The following PLXNB3 variants were observed in gnomAD, a reference collection of about 807,000 sequenced individuals.
PLXNB3 encodes the protein plexin-B3.
PLXNB3 carries 80 observed loss-of-function variants against 125.7 expected under a neutral mutation model. That is an observed-to-expected ratio of 0.64 (90% CI 0.53 to 0.77). The LOEUF (loss-of-function observed/expected upper bound fraction) is 0.77, where lower values mean the gene tolerates loss of function less well. PLXNB3 is among the 30% of genes least tolerant of loss of function. PLXNB3 has a pLI of 0.00. For synonymous variants in PLXNB3, 954 were observed against 783.3 expected (o/e 1.22, Z -3.64); for missense variants, 1,836 against 1,729.3 (o/e 1.06, Z -1.09).
intron 7 of PLXNB3, 46 bp downstream of exon 7, chrX:153,769,985 G>GC (rs2091908333): frequency 8.4e-7 from 1 of 1,192,368 alleles, no homozygotes; most frequent in African/African-American, 1.7e-5. Context: ...CATGACCACT[G>GC]CCTGGAGCAT....
rs781933765 is a variant in PLXNB3, at chrX:153,767,635, G to A, written c.808G>A (p.Asp270Asn). 1.7e-6 allele frequency: 2 copies of A among 1,197,803 alleles called. No homozygotes were observed. Among genetic ancestry groups the A allele is most frequent in the Non-Finnish European group, 1.1e-6 (1 of 888,780 alleles). The change falls in exon 3 of 36, where the codon GAC (aspartate) becomes AAC (asparagine). Residue 270 changes from aspartate to asparagine, a missense_variant. By Grantham distance (23) the Asp-to-Asn change is conservative. Coordinates refer to ENST00000361971, the MANE Select transcript of PLXNB3 (RefSeq NM_005393.3). ...RSYVARVCLG[D>N]TNLYSYVEVP... ...CTACGTGGCCCGCGTCTGCCTGGGG[G>A]ACACCAACCTGTACTCCTACGTGGA...
At position 153,771,082 on chromosome X, in the gene PLXNB3, G is replaced by C. The variant is rs782045470; in HGVS notation, c.2253+1G>C. 1 of 1,191,884 alleles carries C rather than the reference G, an allele frequency of 8.4e-7. No homozygotes were observed. The highest frequency in any genetic ancestry group is 1.1e-6 in the Non-Finnish European group (1 of 879,610). On this transcript the variant is annotated splice_donor_variant, in intron 12 of 35. Transcript: ENST00000361971. LOFTEE classifies it high-confidence loss of function. ...CCTCATCCACTGCCAGGCCCACCAG[G>C]TGAGTGGCTGCCTTCCAAACCCTCT...
chrX:153,766,960 C>A lies in PLXNB3; in HGVS notation c.133C>A (p.His45Asn). ...ACCGCCACTGCCCTTGACAGGGGCC[C>A]ATCGCTTCTCCGCACCTAATACCAC... is the stretch of plus-strand genomic sequence containing the variant. ...SPPPLPLTGA[H>N]RFSAPNTTLN... Residue 45 changes from histidine (H) to asparagine (N), a missense_variant, in exon 3 of 36, where the codon CAT (histidine) becomes AAT (asparagine). By Grantham distance (68) the His-to-Asn change is moderately conservative. Coordinates refer to ENST00000361971, the MANE Select transcript of PLXNB3 (RefSeq NM_005393.3). 1 of 1,210,696 alleles carries A rather than the reference C, an allele frequency of 8.3e-7. No homozygotes were observed. The highest frequency in any genetic ancestry group is 1.1e-6 in the Non-Finnish European group (1 of 895,408).
In PLXNB3 at chrX:153,778,735, C is replaced by T. The variant is rs890942387; in HGVS notation, c.5625+61C>T. ...GGAGCGGGAGGCCCGTGGACCCTCC[C>T]GGGGGAGCAGGGGTGCCAGCCCATG... On this transcript the variant is annotated intron_variant, in intron 35 of 35. Coordinates refer to ENST00000361971, the MANE Select transcript of PLXNB3 (RefSeq NM_005393.3). 3.5e-6 allele frequency: 4 copies of T among 1,137,663 alleles called. No individual in the cohort carries two copies. The South Asian group carries it at 5.9e-5, about 17-fold the overall frequency. 93.8% of individuals were successfully genotyped at this position (1,137,663 alleles called of 1,213,427 possible).
Position 153,775,985 on chromosome X carries a change from C to T in PLXNB3, c.4500C>T (p.Thr1500=). Reference sequence around the variant, plus strand: ...CCGTGACAGGCAAGGCCAAACGGACCCTGAATGATAGCCGCTTGCTGCGGG... The same window carrying T: ...CCGTGACAGGCAAGGCCAAACGGACTCTGAATGATAGCCGCTTGCTGCGGG... ...VDAVTGKAKR[T]LNDSRLLRED... is the part of the protein sequence containing the mutation. Residue 1500 remains threonine, a synonymous_variant, in exon 27 of 36, where the codon ACC becomes ACT. Coordinates refer to ENST00000361971, the MANE Select transcript of PLXNB3 (RefSeq NM_005393.3). The T allele has an allele frequency of 8.3e-7, 1 of 1,210,854 alleles. No homozygotes were observed. Among genetic ancestry groups the T allele is most frequent in the Non-Finnish European group, 1.1e-6 (1 of 895,278 alleles).
chrX:153,765,471 G>A lies in PLXNB3; in HGVS notation c.-65G>A. ...CCTCGACTGTCTCCCTCCCACTCAG[G>A]ACAATGCCCCCCCGCAGCCATCTCA... On this transcript the variant is annotated splice_region_variant and 5_prime_UTR_variant, in exon 2 of 36. Transcript: ENST00000361971. 8.7e-7 allele frequency: 1 copy of A among 1,147,270 alleles called. No homozygotes were observed. The highest frequency in any genetic ancestry group is 1.2e-6 in the Non-Finnish European group (1 of 854,280). The allele number at this position is 1,147,270 out of a possible 1,213,427, so 94.5% of individuals were successfully genotyped here. A position where few individuals can be genotyped will look rare whatever the true frequency, so the allele number is the denominator to read the frequency against.
intron 30 of PLXNB3, 54 bp from the exon 31 acceptor site, chrX:153,777,474 G>T: frequency 2.5e-6 from 3 of 1,190,204 alleles, no homozygotes; most frequent in Admixed American, 2.2e-5. Context: ...AGCCTCAGCC[G>T]TGGATGGCCC....
rs113867364 is a variant in PLXNB3, at chrX:153,779,079, C to T, written c.*40C>T. The T allele has an allele frequency of 3.7e-4, 368 of 986,831 alleles. No homozygotes were observed. In the African/African-American group the frequency reaches 6.1e-3, roughly 16 times the overall value. The allele number at this position is 986,831 out of a possible 1,213,427, so 81.3% of individuals were successfully genotyped here. On this transcript the variant is annotated 3_prime_UTR_variant, in exon 36 of 36. Transcript: ENST00000361971. ...AGCAGCAAGCCGGATCCACCAACAC[C>T]GCAGCGCCTTATGACCCCGGAACCG...
intron 6 of PLXNB3, 59 bp from the exon 7 acceptor site, chrX:153,769,748 G>A (rs1294598698): frequency 7.1e-6 from 8 of 1,132,360 alleles, no homozygotes; most frequent in Non-Finnish European, 9.4e-6. Flanking sequence ...GGCCCCTGTT[G>A]CCGGTCATCC....
chrX:153,765,968 CTCCCTGCCCCT>C (rs1557059016), intron 2 of PLXNB3: 1 of 752,703 alleles, frequency 1.3e-6, no homozygotes, highest in African/African-American at 2.3e-5. Flanking sequence ...TCTGGCACCC[CTCCCTGCCCCT>C]TCCCTGACCC....
intron 1 of PLXNB3, 36 bp downstream of exon 1, chrX:153,764,340 T>C (rs1269422936): frequency 8.9e-6 from 1 of 112,605 alleles, no homozygotes; most frequent in East Asian, 2.8e-4. Context: ...GGCTTGGGCT[T>C]GGGGTGCAGG....
intron 2 of PLXNB3, chrX:153,766,353 T>TG (rs2091857459): frequency 8.8e-7 from 1 of 1,131,775 alleles, no homozygotes; most frequent in Admixed American, 2.9e-5. Context: ...TCTGGTCCCT[T>TG]GGGGCACACG....
chrX:153,778,694 G>A lies in PLXNB3; in HGVS notation c.5625+20G>A. The A allele has an allele frequency of 3.4e-6, 4 of 1,180,895 alleles. No individual in the cohort carries two copies. Among genetic ancestry groups the A allele is most frequent in the South Asian group, 3.7e-5 (2 of 54,466 alleles). ...GATCAGGTGAGGCCCAGGGCACTCC[G>A]GAGGGGAGGCACAGTGGAGCGGGAG... is the stretch of plus-strand genomic sequence containing the variant. On this transcript the variant is annotated intron_variant, in intron 35 of 35. Transcript: ENST00000361971.
In PLXNB3 at chrX:153,770,789, G is replaced by A; in HGVS notation, c.2042G>A (p.Cys681Tyr). ...ATCCAGGTGCGTGGCCCAGGGGCTT[G>A]CCCACAGGTCGAAGGCCTGGCAGGT... is the stretch of plus-strand genomic sequence containing the variant. Reference protein sequence around the residue: ...VDIQVRGPGACPQVEGLAGPH... With the variant: ...VDIQVRGPGAYPQVEGLAGPH... The change falls in exon 11 of 36, where the codon TGC (cysteine) becomes TAC (tyrosine). Residue 681 changes from cysteine to tyrosine, a missense_variant. Physicochemically the swap from Cys to Tyr is radical, Grantham distance 194. Coordinates refer to ENST00000361971, the MANE Select transcript of PLXNB3 (RefSeq NM_005393.3). 1 of 1,207,569 alleles carries A rather than the reference G, an allele frequency of 8.3e-7. No individual in the cohort carries two copies. Among genetic ancestry groups the A allele is most frequent in the Non-Finnish European group, 1.1e-6 (1 of 892,442 alleles).
At chrX:153,776,837 T>C (rs1557064522) in intron 28 of PLXNB3, 50 bp from the exon 29 acceptor site, 1 of 873,963 alleles carries the variant, frequency 1.1e-6, no homozygotes, top group Admixed American at 2.9e-5. Context: ...GTGGGCGGTG[T>C]AGGCGCCTGG....
chrX:153,766,767 C>T, intron 2 of PLXNB3, 106 bp from the exon 3 acceptor site: 1 of 1,087,506 alleles, frequency 9.2e-7, no homozygotes. Context: ...GCCTCCCTCC[C>T]TCCCTGGCCC....
At chrX:153,777,747 C>A (rs782055782) in intron 31 of PLXNB3, 59 bp downstream of exon 31, 1 of 1,149,819 alleles carries the variant, frequency 8.7e-7, no homozygotes, top group Admixed American at 2.3e-5. Context: ...CCCAGAGAGA[C>A]CAGGACATTC....
At position 153,773,614 on chromosome X, in the gene PLXNB3, T is replaced by C; in HGVS notation, c.3180T>C (p.Ala1060=). Residue 1060 remains alanine, a synonymous_variant, in exon 19 of 36, where the codon GCT becomes GCC. Transcript: ENST00000361971. ...VWLEADAEVQ[A]SRAQPQDPQP... ...TGGAGGCTGACGCAGAGGTGCAGGC[T>C]TCCAGGGCCCAGCCCCAGGACCCAC... The C allele has an allele frequency of 8.3e-7, 1 of 1,204,951 alleles. No individual in the cohort carries two copies. Among genetic ancestry groups the C allele is most frequent in the Non-Finnish European group, 1.1e-6 (1 of 892,589 alleles).
In PLXNB3 at chrX:153,774,754, G is replaced by C. The variant is rs966022575; in HGVS notation, c.3879G>C (p.Gln1293His). 4 of 1,199,633 alleles carry C rather than the reference G, an allele frequency of 3.3e-6. No individual in the cohort carries two copies. Among genetic ancestry groups the C allele is most frequent in the Non-Finnish European group, 4.5e-6 (4 of 889,236 alleles). ...ALRDYQKVLV[Q>H]LESLETGVGD... ...GGGACTACCAGAAGGTGCTAGTGCA[G>C]CTGGAGAGCCTGGAGACCGGCGTGG... The change falls in exon 23 of 36, where the codon CAG becomes CAC. Residue 1293 changes from glutamine to histidine, a missense_variant. Transcript: ENST00000361971.
Sources: gnomAD v4.1 joint callset for allele counts on GRCh38, gnomAD v4.1.1 for gene constraint, MANE v1.5 for transcripts, NCBI Gene and HGNC (gene_info 2026-07-23, HGNC 2026-07-21) for gene names.